UTRN: variants seen among roughly 807,000 people sequenced by gnomAD.
UTRN encodes dystrophin-related protein 1.
Under a neutral mutation model 463.9 loss-of-function variants are expected in UTRN, and 283 were observed. That is an observed-to-expected ratio of 0.61 (90% CI 0.55 to 0.67). The LOEUF (loss-of-function observed/expected upper bound fraction) is 0.67, where lower values mean the gene tolerates loss of function less well. Among genes scored for constraint, UTRN ranks in the 30% least tolerant of loss-of-function variants. The pLI, the probability that UTRN is intolerant of heterozygous loss-of-function variation, is 0.00. For synonymous variants in UTRN, 1,442 were observed against 1,431.5 expected (o/e 1.01, Z -0.17); for missense variants, 3,922 against 4,084.3 (o/e 0.96, Z 1.08).
intron 2 of UTRN, among the ~76,000 whole-genome samples, chr6:144,305,098 A>G (rs1355911486): frequency 6.6e-6 from 1 of 151,792 alleles, no homozygotes; most frequent in Non-Finnish European, 1.5e-5. Context: ...TGCCCAGCTA[A>G]TTTTTTTTGT....
intron 54 of UTRN, among the ~76,000 whole-genome samples, chr6:144,743,143 A>G (rs1295877323): frequency 6.6e-6 from 1 of 152,244 alleles, no homozygotes; most frequent in African/African-American, 2.4e-5. Context: ...TTAAGTAATT[A>G]TATACTGAGG....
At chr6:144,726,532 T>A (rs1787900727) in intron 53 of UTRN, among the ~76,000 whole-genome samples, 1 of 152,084 alleles carries the variant, frequency 6.6e-6, no homozygotes, top group Admixed American at 6.6e-5. Flanking sequence ...ACAGAAAAAG[T>A]CCCTGGTCTA....
intron 2 of UTRN, among the ~76,000 whole-genome samples, chr6:144,349,429 G>A (rs1777913958): frequency 6.6e-6 from 1 of 152,204 alleles, no homozygotes; most frequent in Non-Finnish European, 1.5e-5. Flanking sequence ...AGGATCACAG[G>A]ATCTCCCAAC....
rs1797209846 is a variant in UTRN, at chr6:144,533,080, T to A, written c.6058-5T>A. On this transcript the variant is annotated splice_region_variant and splice_polypyrimidine_tract_variant and intron_variant, in intron 42 of 74. Coordinates refer to ENST00000367545, the MANE Select transcript of UTRN (RefSeq NM_007124.3). Reference sequence around the variant, plus strand: ...AAACTAATCTTGAGTTGTGCTCTGTTACAGGAACTTGAGGTGGGCATCAGC... The same window carrying A: ...AAACTAATCTTGAGTTGTGCTCTGTAACAGGAACTTGAGGTGGGCATCAGC... 6.6e-7 allele frequency: 1 copy of A among 1,523,266 alleles called. No homozygotes were observed. The allele number at this position is 1,523,266 out of a possible 1,614,324, so 94.4% of individuals were successfully genotyped here. A position where few individuals can be genotyped will look rare whatever the true frequency, so the allele number is the denominator to read the frequency against.
At chr6:144,554,055 A>G (rs1462788341) in intron 48 of UTRN, among the ~76,000 whole-genome samples, 1 of 152,232 alleles carries the variant, frequency 6.6e-6, no homozygotes, top group Non-Finnish European at 1.5e-5. Context: ...ATGAACAATA[A>G]TAAAAGAGGA....
chr6:144,326,808 C>T (rs1363157357), intron 2 of UTRN, among the ~76,000 whole-genome samples: 1 of 152,130 alleles, frequency 6.6e-6, no homozygotes, highest in African/African-American at 2.4e-5. Context: ...TTTAAGGGGC[C>T]AACCAGTCCA....
chr6:144,704,820 G>A (rs1437701486), intron 53 of UTRN, among the ~76,000 whole-genome samples: 4 of 152,052 alleles, frequency 2.6e-5, no homozygotes, highest in Non-Finnish European at 5.9e-5. Flanking sequence ...AAATTAGCTG[G>A]GTGTGGTGAC....
chr6:144,479,800 T>C lies in UTRN; in HGVS notation c.3337-12T>C. 1 of 1,607,686 alleles carries C rather than the reference T, an allele frequency of 6.2e-7. No individual in the cohort carries two copies. Among genetic ancestry groups the C allele is most frequent in the Non-Finnish European group, 8.5e-7 (1 of 1,177,414 alleles). On this transcript the variant is annotated splice_polypyrimidine_tract_variant and intron_variant, in intron 25 of 74. Coordinates refer to ENST00000367545, the MANE Select transcript of UTRN (RefSeq NM_007124.3). ...CATTTGTTTATTTGGGGGAATGGCT[T>C]TTCCTTTGTAGATCGCTACTCAAAA...
intron 2 of UTRN, among the ~76,000 whole-genome samples, chr6:144,346,359 T>C (rs1777568758): frequency 6.6e-6 from 1 of 152,272 alleles, no homozygotes; most frequent in Non-Finnish European, 1.5e-5. Context: ...TTTCAGTGCA[T>C]GTTATTTTAA....
chr6:144,849,938 C>T (rs972043152), intron 74 of UTRN, among the ~76,000 whole-genome samples: 3 of 152,208 alleles, frequency 2.0e-5, no homozygotes, highest in African/African-American at 4.8e-5. Context: ...CCTCAAACCA[C>T]TTCTTTGAAT....
chr6:144,424,153 G>A (rs773043486), intron 6 of UTRN, 75 bp downstream of exon 6: 55 of 1,466,884 alleles, frequency 3.7e-5, no homozygotes, highest in Non-Finnish European at 4.7e-5. Context: ...TAAGGCTGCC[G>A]TAACCAAGTA....
In UTRN at chr6:144,793,883, G is replaced by A. The variant is rs753866097; in HGVS notation, c.8970G>A (p.Gln2990=). 6.8e-6 allele frequency: 11 copies of A among 1,614,136 alleles called. No homozygotes were observed. The South Asian group carries it at 8.8e-5, about 13-fold the overall frequency. The change falls in exon 63 of 75, where the codon CAG becomes CAA. Residue 2990 remains glutamine, a synonymous_variant. Transcript: ENST00000367545. The part of the protein sequence containing the change: ...AGPTEMCDQR[Q]LGLLLHDAIQ... ...CAACAGAAATGTGTGACCAGAGGCAGCTGGGCCTGTTACTTCATGATGCCA... is the reference window on the plus strand; with the variant it reads ...CAACAGAAATGTGTGACCAGAGGCAACTGGGCCTGTTACTTCATGATGCCA...
At chr6:144,437,853 C>T in intron 11 of UTRN, 107 bp downstream of exon 11, 2 of 1,215,278 alleles carry the variant, frequency 1.6e-6, no homozygotes, top group South Asian at 2.0e-5. Flanking sequence ...ACAGAACTTG[C>T]CTTGGAAAAG....
chr6:144,495,630 A>AGGCTCCAC, intron 33 of UTRN, among the ~76,000 whole-genome samples: 1 of 152,250 alleles, frequency 6.6e-6, no homozygotes, highest in South Asian at 2.1e-4. Flanking sequence ...AAGTGCTGCC[A>AGGCTCCAC]AAGTGGGAGC....
At chr6:144,577,506 A>G (rs916839690) in intron 51 of UTRN, among the ~76,000 whole-genome samples, 3 of 152,168 alleles carry the variant, frequency 2.0e-5, no homozygotes, top group Non-Finnish European at 2.9e-5. Flanking sequence ...TATGGAAGTA[A>G]TAATTGTTTA....
chr6:144,597,695 TTATC>T (rs1176016308), intron 51 of UTRN, among the ~76,000 whole-genome samples: 1 of 152,220 alleles, frequency 6.6e-6, no homozygotes, highest in Non-Finnish European at 1.5e-5. Flanking sequence ...ATCCTGGTCT[TTATC>T]TATGAAAGAA....
intron 4 of UTRN, among the ~76,000 whole-genome samples, chr6:144,422,977 A>G (rs1047059494): frequency 5.3e-5 from 8 of 152,182 alleles, no homozygotes; most frequent in African/African-American, 1.7e-4. Flanking sequence ...AAGAAGCTGC[A>G]TAGGTTATCT....
intron 48 of UTRN, among the ~76,000 whole-genome samples, chr6:144,552,504 C>G (rs1294534792): frequency 6.6e-6 from 1 of 152,186 alleles, no homozygotes; most frequent in African/African-American, 2.4e-5. Flanking sequence ...TCCATCACCT[C>G]TCTTTTTGTC....
At chr6:144,663,350 C>G (rs188270653) in intron 51 of UTRN, among the ~76,000 whole-genome samples, 9 of 148,182 alleles carry the variant, frequency 6.1e-5, no homozygotes, top group African/African-American at 2.2e-4. Flanking sequence ...ACTAGTCCAC[C>G]AACACACCTC....
Sources: gnomAD v4.1 joint callset for allele counts (sites outside exome capture counted in the v4.1 genomes callset) on GRCh38, gnomAD v4.1.1 for gene constraint, MANE v1.5 for transcripts, NCBI Gene and HGNC (gene_info 2026-07-23, HGNC 2026-07-21) for gene names.